MGMT: variants seen among roughly 807,000 people sequenced by gnomAD.
The protein encoded by MGMT is methylated-DNA--protein-cysteine methyltransferase.
In MGMT, 14 loss-of-function variants were observed where a neutral mutation model predicts 15.9. The observed-to-expected ratio is 0.88, with a 90% CI of 0.58 to 1.37. The LOEUF (loss-of-function observed/expected upper bound fraction) is 1.37. Among genes scored for constraint, MGMT ranks in the 40% most tolerant of loss-of-function variants. The pLI, the probability that MGMT is intolerant of heterozygous loss-of-function variation, is 0.00. For missense variants in MGMT, 282 were observed against 268.1 expected (o/e 1.05, Z -0.36); for synonymous variants, 130 against 118.2 (o/e 1.10, Z -0.65).
chr10:129,608,531 AC>A (rs1298345938), intron 2 of MGMT, among the ~76,000 whole-genome samples: 1 of 152,178 alleles, frequency 6.6e-6, no homozygotes, highest in Admixed American at 6.5e-5. Flanking sequence ...CTGTTGGAAA[AC>A]TGGTGTATTG....
At chr10:129,611,419 C>T (rs1033478966) in intron 2 of MGMT, among the ~76,000 whole-genome samples, 6 of 152,198 alleles carry the variant, frequency 3.9e-5, no homozygotes, top group Non-Finnish European at 5.9e-5. Flanking sequence ...CACTCACTAT[C>T]ATGAGAATAG....
chr10:129,765,400 C>T (rs1183210727), intron 4 of MGMT, among the ~76,000 whole-genome samples: 1 of 152,196 alleles, frequency 6.6e-6, no homozygotes, highest in Non-Finnish European at 1.5e-5. Context: ...CTGCGGTGGC[C>T]ATGCAGGCTG....
At position 129,488,816 on chromosome 10, in the gene MGMT, A is replaced by C. The variant is rs184786411; in HGVS notation, c.-13+21520A>C. Among the ~76,000 whole-genome samples the C allele has an allele frequency of 4.7e-4, 72 of 152,136 alleles. 3 individuals carry two copies. The East Asian group carries it at 0.013, about 28-fold the overall frequency. On this transcript the variant is annotated intron_variant, in intron 1 of 4. Transcript: ENST00000651593. ...CCAGCCCCATGTATAGAGTAACCCCACCTTTCTCCAGGGCTCTGCAGCGGC... is the reference window on the plus strand; with the variant it reads ...CCAGCCCCATGTATAGAGTAACCCCCCCTTTCTCCAGGGCTCTGCAGCGGC...
intron 3 of MGMT, among the ~76,000 whole-genome samples, chr10:129,739,764 T>C (rs1034918602): frequency 6.6e-6 from 1 of 152,178 alleles, no homozygotes; most frequent in African/African-American, 2.4e-5. Context: ...CTTAACACAT[T>C]ATGAGTTTTT....
chr10:129,542,607 A>T (rs1846055815), intron 2 of MGMT, among the ~76,000 whole-genome samples: 1 of 152,144 alleles, frequency 6.6e-6, no homozygotes, highest in Non-Finnish European at 1.5e-5. Flanking sequence ...GCCGTGAAAT[A>T]ATGATTTGTG....
In MGMT at chr10:129,769,013, G is replaced by T. The variant is rs1426225040; in HGVS notation, c.*2016G>T. 1 of 152,508 alleles carries T rather than the reference G, an allele frequency of 6.6e-6. No individual in the cohort carries two copies. Among genetic ancestry groups the T allele is most frequent in the Non-Finnish European group, 1.5e-5 (1 of 68,272 alleles). The allele number at this position is 152,508 out of a possible 1,614,324, so 9.4% of individuals were successfully genotyped here. A position where few individuals can be genotyped will look rare whatever the true frequency, so the allele number is the denominator to read the frequency against. On this transcript the variant is annotated 3_prime_UTR_variant, in exon 5 of 5. Transcript: ENST00000651593. ...GGCCACATGACTGCAGCCAGCGAGGGCCGAGCCCCCAGAATCCAGGTCAGC... is the reference window on the plus strand; with the variant it reads ...GGCCACATGACTGCAGCCAGCGAGGTCCGAGCCCCCAGAATCCAGGTCAGC...
intron 1 of MGMT, among the ~76,000 whole-genome samples, chr10:129,508,566 A>G (rs1311236486): frequency 2.1e-5 from 3 of 140,418 alleles, no homozygotes; most frequent in African/African-American, 2.7e-5. Context: ...TTCTTTTGAG[A>G]TGGAGTTTTG....
chr10:129,605,491 T>A (rs1159408716), intron 2 of MGMT, among the ~76,000 whole-genome samples: 2 of 152,206 alleles, frequency 1.3e-5, no homozygotes, highest in Non-Finnish European at 2.9e-5. Flanking sequence ...TAGGTTTCAT[T>A]TGCTGTGTAA....
At chr10:129,652,207 G>A (rs960590240) in intron 2 of MGMT, among the ~76,000 whole-genome samples, 7 of 152,350 alleles carry the variant, frequency 4.6e-5, no homozygotes, top group African/African-American at 7.2e-5. Flanking sequence ...CCCGCCACTC[G>A]GGGGGCCGGC....
chr10:129,579,226 C>T (rs567135035), intron 2 of MGMT, among the ~76,000 whole-genome samples: 1 of 152,362 alleles, frequency 6.6e-6, no homozygotes, highest in East Asian at 1.9e-4. Flanking sequence ...AAAATTCAAA[C>T]ATGAGATTAC....
intron 2 of MGMT, among the ~76,000 whole-genome samples, chr10:129,665,279 CCTCTCCCAACTCTCT>C (rs371558533): frequency 0.024 from 3,456 of 145,216 alleles, 68 homozygotes; most frequent in South Asian, 0.048. Context: ...CATCCTCTCC[CCTCTCCCAACTCTCT>C]CTCTCCCAAC....
chr10:129,635,297 G>A (rs1263755598), intron 2 of MGMT, among the ~76,000 whole-genome samples: 1 of 152,162 alleles, frequency 6.6e-6, no homozygotes, highest in Non-Finnish European at 1.5e-5. Context: ...ATGTGTCTCT[G>A]TCCCTCCAGT....
chr10:129,710,573 G>C (rs1848220967), intron 3 of MGMT, among the ~76,000 whole-genome samples: 1 of 152,236 alleles, frequency 6.6e-6, no homozygotes, highest in Admixed American at 6.5e-5. Flanking sequence ...GGATTTTACT[G>C]TTTGAAGAAG....
Position 129,735,293 on chromosome 10 carries a change from G to A in MGMT, c.275-23909G>A, listed in dbSNP as rs1391047695. Among the ~76,000 whole-genome samples, 2 of 152,156 alleles carry A rather than the reference G, an allele frequency of 1.3e-5. 1 individual carries two copies. Among genetic ancestry groups the A allele is most frequent in the Non-Finnish European group, 2.9e-5 (2 of 68,014 alleles). On this transcript the variant is annotated intron_variant, in intron 3 of 4. Coordinates refer to ENST00000651593, the MANE Select transcript of MGMT (RefSeq NM_002412.5). Reference sequence around the variant, plus strand: ...TTCTTCCTGGTTTAGTCTTGGGAGAGTGTATGTGTCAAGGAATTTATCCAT... The same window carrying A: ...TTCTTCCTGGTTTAGTCTTGGGAGAATGTATGTGTCAAGGAATTTATCCAT...
In MGMT at chr10:129,767,026, GAC is replaced by G; in HGVS notation, c.*36_*37del. ...TGTGCAGTAGGATGGATGTTTGAGC[GAC>G]ACACACGTGTAACACTGCATCGGAT... On this transcript the variant is annotated 3_prime_UTR_variant, in exon 5 of 5. Transcript: ENST00000651593. 1 of 1,544,814 alleles carries G rather than the reference GAC, an allele frequency of 6.5e-7. No homozygotes were observed. The highest frequency in any genetic ancestry group is 8.8e-7 in the Non-Finnish European group (1 of 1,141,324).
chr10:129,753,727 A>G (rs1011310042), intron 3 of MGMT, among the ~76,000 whole-genome samples: 1 of 152,052 alleles, frequency 6.6e-6, no homozygotes, highest in Non-Finnish European at 1.5e-5. Context: ...CAGCATTTTT[A>G]TAACAGATCT....
intron 2 of MGMT, among the ~76,000 whole-genome samples, chr10:129,657,687 A>ACACACACACACACACACG (rs1847541782): frequency 7.1e-6 from 1 of 139,920 alleles, no homozygotes; most frequent in African/African-American, 2.8e-5. Context: ...ACACACACAC[A>ACACACACACACACACACG]CACACACACA....
At position 129,629,043 on chromosome 10, in the gene MGMT, TCAGCCTTGCCCTGCATG is replaced by T. The variant is rs753262609; in HGVS notation, c.126-78844_126-78828del. Among the ~76,000 whole-genome samples the T allele has an allele frequency of 1.4e-3, 206 of 152,346 alleles. 1 individual carries two copies. The highest frequency in any genetic ancestry group is 2.6e-3 in the Non-Finnish European group (180 of 68,030). On this transcript the variant is annotated intron_variant, in intron 2 of 4. Transcript: ENST00000651593. ...CCTCTCCTGCAGCACACAGCACACG[TCAGCCTTGCCCTGCATG>T]CAGCCTTCCCAGCTGGAGCAGGTCC...
intron 3 of MGMT, among the ~76,000 whole-genome samples, chr10:129,755,764 C>T (rs1049281497): frequency 4.6e-5 from 7 of 152,242 alleles, no homozygotes; most frequent in Admixed American, 1.3e-4. Flanking sequence ...TGGCCGTGTG[C>T]AGTGGACGCA....
Sources: allele counts gnomAD v4.1 joint callset (sites outside exome capture counted in the v4.1 genomes callset), GRCh38; gene constraint gnomAD v4.1.1; transcripts MANE v1.5; gene names NCBI Gene and HGNC (gene_info 2026-07-23, HGNC 2026-07-21).